Variants in FRAS1 observed in about 807,000 individuals in gnomAD.
FRAS1 encodes extracellular matrix organizing protein FRAS1.
A neutral mutation model predicts 435.2 loss-of-function variants in FRAS1; 290 were observed. The observed-to-expected ratio is 0.67, with a 90% CI of 0.61 to 0.73. FRAS1 has a LOEUF of 0.73. Among genes scored for constraint, FRAS1 ranks in the 30% least tolerant of loss-of-function variants. The probability of loss-of-function intolerance (pLI) is 0.00; values close to 1 mark genes in which losing one functional copy is unlikely to be tolerated. For missense variants in FRAS1, 4,860 were observed against 5,001.5 expected (o/e 0.97, Z 0.85); for synonymous variants, 1,800 against 1,851.0 (o/e 0.97, Z 0.71).
intron 2 of FRAS1, among the ~76,000 whole-genome samples, chr4:78,144,204 A>G (rs959469297): frequency 2.6e-5 from 4 of 151,968 alleles, no homozygotes; most frequent in Admixed American, 2.6e-4. Flanking sequence ...GATAAATGCA[A>G]CTCAGAGAAA....
rs374155272 is a variant in FRAS1, at chr4:78,534,519, T to C, written c.10996T>C (p.Phe3666Leu). Residue 3666 changes from phenylalanine (F) to leucine (L), a missense_variant, in exon 71 of 74, where the codon TTT becomes CTT. Phe to Leu is a conservative substitution (Grantham distance 22). Transcript: ENST00000512123. ...VPVVYSLNTE[F>L]QLCNNEKVFL... ...AGTTGTGTATTCACTTAACACTGAA[T>C]TTCAGCTCTGCAATAATGAGAAGGT... 1 of 1,613,768 alleles carries C rather than the reference T, an allele frequency of 6.2e-7. No homozygotes were observed. The highest frequency in any genetic ancestry group is 1.3e-5 in the African/African-American group (1 of 75,014).
chr4:78,181,161 G>T lies in FRAS1; in HGVS notation c.109-56349G>T. Reference sequence around the variant, plus strand: ...CACTGCCCATCAGCACCTTCATTTGGTTTTCAGATATTAAATTCTACTTTT... The same window carrying T: ...CACTGCCCATCAGCACCTTCATTTGTTTTTCAGATATTAAATTCTACTTTT... On this transcript the variant is annotated intron_variant, in intron 2 of 73. Transcript: ENST00000512123. 3.1e-6 allele frequency: 5 copies of T among 1,594,534 alleles called. No homozygotes were observed. The South Asian group carries it at 5.5e-5, about 18-fold the overall frequency.
intron 2 of FRAS1, among the ~76,000 whole-genome samples, chr4:78,126,044 G>A (rs985244615): frequency 4.6e-5 from 7 of 152,152 alleles, no homozygotes; most frequent in African/African-American, 1.4e-4. Context: ...CACCCAGTTC[G>A]AGCTTCCCTG....
At chr4:78,456,141 T>TTTTTTTCC (rs748417198) in intron 47 of FRAS1, among the ~76,000 whole-genome samples, 1 of 106,648 alleles carries the variant, frequency 9.4e-6, no homozygotes, top group Non-Finnish European at 1.7e-5. Flanking sequence ...CATGTCACTT[T>TTTTTTTCC]TTTTTTTTTT....
At chr4:78,525,871 C>T (rs1308025741) in intron 69 of FRAS1, among the ~76,000 whole-genome samples, 1 of 152,170 alleles carries the variant, frequency 6.6e-6, no homozygotes, top group African/African-American at 2.4e-5. Context: ...CCTGGGCCCC[C>T]CATAAACAGG....
chr4:78,470,947 G>A (rs1560746330), intron 51 of FRAS1, among the ~76,000 whole-genome samples: 1 of 152,174 alleles, frequency 6.6e-6, no homozygotes, highest in Non-Finnish European at 1.5e-5. Context: ...TGTTGCATGG[G>A]AGGCTGGGAA....
intron 2 of FRAS1, among the ~76,000 whole-genome samples, chr4:78,217,572 A>G (rs557007802): frequency 2.0e-5 from 3 of 152,216 alleles, no homozygotes; most frequent in Non-Finnish European, 4.4e-5. Flanking sequence ...TGCTTTCCTC[A>G]TCTCCCATGT....
Position 78,432,482 on chromosome 4 carries a change from G to T in FRAS1, c.5095G>T (p.Val1699Leu). Reference protein sequence around the residue: ...TDGLTVTMLEVRVEVSLSEDR... With the variant: ...TDGLTVTMLELRVEVSLSEDR... ...TGGCCTCACAGTGACAATGCTGGAG[G>T]TGAGAGTAGAGGTGTCCCTGTCAGA... The change falls in exon 38 of 74, where the codon GTG becomes TTG. Residue 1699 changes from valine (V) to leucine (L), a missense_variant. Transcript: ENST00000512123. 1 of 1,613,412 alleles carries T rather than the reference G, an allele frequency of 6.2e-7. No individual in the cohort carries two copies. Among genetic ancestry groups the T allele is most frequent in the South Asian group, 1.1e-5 (1 of 90,898 alleles).
chr4:78,485,844 C>G (rs544205390), intron 58 of FRAS1, among the ~76,000 whole-genome samples: 49 of 152,214 alleles, frequency 3.2e-4, no homozygotes, highest in Non-Finnish European at 5.6e-4. Flanking sequence ...CAGCTGGCCA[C>G]TGCCCTCTGT....
chr4:78,440,135 A>G (rs1233711564), intron 40 of FRAS1, among the ~76,000 whole-genome samples: 4 of 142,974 alleles, frequency 2.8e-5, no homozygotes, highest in Non-Finnish European at 6.0e-5. Context: ...GGTTCACGCC[A>G]TTCTCCTGCC....
intron 2 of FRAS1, among the ~76,000 whole-genome samples, chr4:78,185,732 G>A (rs1171987865): frequency 6.6e-6 from 1 of 152,164 alleles, no homozygotes; most frequent in East Asian, 1.9e-4. Flanking sequence ...TCTTTGAACT[G>A]TAGACAGCTA....
At chr4:78,140,637 A>ATATGTG (rs1360525386) in intron 2 of FRAS1, among the ~76,000 whole-genome samples, 1 of 151,208 alleles carries the variant, frequency 6.6e-6, no homozygotes, top group African/African-American at 2.4e-5. Flanking sequence ...ACGCATATAC[A>ATATGTG]TATGTGTATA....
intron 2 of FRAS1, among the ~76,000 whole-genome samples, chr4:78,152,308 A>G (rs1157720123): frequency 6.6e-6 from 1 of 152,072 alleles, no homozygotes; most frequent in Non-Finnish European, 1.5e-5. Context: ...TGCCCTGTTT[A>G]CAGGAAAGAT....
chr4:78,273,250 C>T (rs1726807602), intron 9 of FRAS1, among the ~76,000 whole-genome samples: 1 of 152,116 alleles, frequency 6.6e-6, no homozygotes, highest in Non-Finnish European at 1.5e-5. Context: ...ACAACCATGT[C>T]CTCTGCAAAT....
At chr4:78,275,474 A>G (rs1466469169) in intron 9 of FRAS1, among the ~76,000 whole-genome samples, 1 of 152,088 alleles carries the variant, frequency 6.6e-6, no homozygotes, top group East Asian at 1.9e-4. Flanking sequence ...TTCCATGTTT[A>G]GTGCTTCCTT....
rs1578301495 is a variant in FRAS1, at chr4:78,403,287, G to C, written c.4129+2400G>C. Among the ~76,000 whole-genome samples, 3 of 152,186 alleles carry C rather than the reference G, an allele frequency of 2.0e-5. No individual in the cohort carries two copies. In the East Asian group the frequency reaches 5.8e-4, roughly 29 times the overall value. The stretch of plus-strand genomic sequence containing the variant: ...GCTGAATTAAATGTTTTTTTAAGCA[G>C]ATAAAATTTTGCCATTTCAGTTTGA... On this transcript the variant is annotated intron_variant, in intron 30 of 73. Transcript: ENST00000512123.
chr4:78,098,325 G>A (rs1179706932), intron 2 of FRAS1, among the ~76,000 whole-genome samples: 1 of 150,048 alleles, frequency 6.7e-6, no homozygotes, highest in Non-Finnish European at 1.5e-5. Flanking sequence ...GCCCAGGCTG[G>A]AGTGCAGTAG....
chr4:78,111,757 A>T (rs868428266), intron 2 of FRAS1, among the ~76,000 whole-genome samples: 2,236 of 94,284 alleles, frequency 0.024, 16 homozygotes, highest in Non-Finnish European at 0.037. Context: ...TATAATAAAA[A>T]AAAAAAAAAA....
rs1729318168 is a variant in FRAS1, at chr4:78,317,436, A to G, written c.1888A>G (p.Lys630Glu). ...TCACTGTACAGCCTGCAGCCCCCCC[A>G]AGGCTCTGCGTCAAGGCCACTGTCT... ...PSHCTACSPP[K>E]ALRQGHCLPR... Residue 630 changes from lysine to glutamate, a missense_variant, in exon 17 of 74, where the codon AAG becomes GAG. Transcript: ENST00000512123. The G allele has an allele frequency of 4.3e-6, 7 of 1,613,624 alleles. No individual in the cohort carries two copies. In the East Asian group the frequency reaches 1.6e-4, roughly 36 times the overall value.
Sources: gnomAD v4.1 joint callset for allele counts (sites outside exome capture counted in the v4.1 genomes callset) on GRCh38, gnomAD v4.1.1 for gene constraint, MANE v1.5 for transcripts, NCBI Gene and HGNC (gene_info 2026-07-23, HGNC 2026-07-21) for gene names.